The following LHFPL3 variants were observed in gnomAD, a reference collection of about 807,000 sequenced individuals.
LHFPL3 encodes the protein LHFPL tetraspan subfamily member 3 protein.
Under a neutral mutation model 19.3 loss-of-function variants are expected in LHFPL3, and 5 were observed. The observed-to-expected ratio is 0.26, with a 90% CI of 0.14 to 0.54. The LOEUF (loss-of-function observed/expected upper bound fraction) is 0.54, where lower values mean the gene tolerates loss of function less well. LHFPL3 is among the 20% of genes least tolerant of loss of function. The pLI is 0.94. For missense variants in LHFPL3, 249 were observed against 307.4 expected (o/e 0.81, Z 1.42); for synonymous variants, 133 against 126.2 (o/e 1.05, Z -0.36).
intron 1 of LHFPL3, among the ~76,000 whole-genome samples, chr7:104,567,104 A>T (rs1442357561): frequency 6.6e-6 from 1 of 152,246 alleles, no homozygotes; most frequent in African/African-American, 2.4e-5. Flanking sequence ...GCTTTATATC[A>T]AACGAAGTGT....
intron 2 of LHFPL3, among the ~76,000 whole-genome samples, chr7:104,840,051 A>T (rs977624186): frequency 7.9e-5 from 12 of 151,910 alleles, no homozygotes; most frequent in Non-Finnish European, 2.9e-5. Flanking sequence ...TATAATCAAT[A>T]ATTATTAAGT....
chr7:104,679,055 A>G (rs1792645345), intron 1 of LHFPL3, among the ~76,000 whole-genome samples: 1 of 152,244 alleles, frequency 6.6e-6, no homozygotes, highest in Non-Finnish European at 1.5e-5. Context: ...AACATTAGTC[A>G]CATAATTTCT....
intron 1 of LHFPL3, among the ~76,000 whole-genome samples, chr7:104,451,167 T>G (rs1459085787): frequency 2.0e-5 from 3 of 152,184 alleles, no homozygotes; most frequent in Admixed American, 2.0e-4. Context: ...AGTGATATAA[T>G]AGGCATGCAA....
intron 2 of LHFPL3, among the ~76,000 whole-genome samples, chr7:104,872,009 A>T (rs551327852): frequency 4.0e-5 from 6 of 150,022 alleles, no homozygotes; most frequent in Non-Finnish European, 5.9e-5. Flanking sequence ...CTCTATTAAA[A>T]TTTTTTTTTC....
In LHFPL3 at chr7:104,395,597, G is replaced by C. The variant is rs144106983; in HGVS notation, c.445+66373G>C. On this transcript the variant is annotated intron_variant, in intron 1 of 2. Transcript: ENST00000424859. ...CCACTGACTGACAGGAGAAGCAGGAGTTAGGAGAGGTAGGAGTAATTGTGC... is the reference window on the plus strand; with the variant it reads ...CCACTGACTGACAGGAGAAGCAGGACTTAGGAGAGGTAGGAGTAATTGTGC... Among the ~76,000 whole-genome samples, 265 of 152,308 alleles carry C rather than the reference G, an allele frequency of 1.7e-3. 7 individuals are homozygous for C. In the East Asian group the frequency reaches 0.044, roughly 25 times the overall value.
chr7:104,730,021 C>T (rs946785315), intron 1 of LHFPL3, among the ~76,000 whole-genome samples: 1 of 151,888 alleles, frequency 6.6e-6, no homozygotes, highest in Non-Finnish European at 1.5e-5. Flanking sequence ...TTGTGATAGT[C>T]TGCTGAGAAT....
chr7:104,549,778 G>A (rs1794635114), intron 1 of LHFPL3, among the ~76,000 whole-genome samples: 1 of 152,132 alleles, frequency 6.6e-6, no homozygotes, highest in Non-Finnish European at 1.5e-5. Flanking sequence ...GTGGGCACTG[G>A]GGATACATTG....
At chr7:104,350,652 T>A (rs1790154987) in intron 1 of LHFPL3, among the ~76,000 whole-genome samples, 1 of 152,234 alleles carries the variant, frequency 6.6e-6, no homozygotes, top group Non-Finnish European at 1.5e-5. Context: ...TATGTTCCGC[T>A]GGGGACTGGC....
chr7:104,584,786 A>G (rs1343069169), intron 1 of LHFPL3, among the ~76,000 whole-genome samples: 3 of 152,168 alleles, frequency 2.0e-5, no homozygotes, highest in East Asian at 1.9e-4. Flanking sequence ...ATCAGCAGGC[A>G]GCAGTCCTTA....
intron 1 of LHFPL3, among the ~76,000 whole-genome samples, chr7:104,490,699 C>T (rs1317954115): frequency 6.6e-6 from 1 of 152,112 alleles, no homozygotes; most frequent in Non-Finnish European, 1.5e-5. Context: ...TAATAATGAT[C>T]AGAAAAGTAA....
At chr7:104,391,796 A>C (rs929701532) in intron 1 of LHFPL3, among the ~76,000 whole-genome samples, 2 of 152,130 alleles carry the variant, frequency 1.3e-5, no homozygotes, top group African/African-American at 4.8e-5. Flanking sequence ...TTTTCACAAT[A>C]CTGATTCTTC....
At chr7:104,867,938 A>C (rs967031760) in intron 2 of LHFPL3, among the ~76,000 whole-genome samples, 2 of 152,236 alleles carry the variant, frequency 1.3e-5, no homozygotes, top group African/African-American at 4.8e-5. Context: ...GAAAATCAAT[A>C]AACATAATCC....
At chr7:104,831,713 CA>C (rs74477288) in intron 2 of LHFPL3, among the ~76,000 whole-genome samples, 1,701 of 151,494 alleles carry the variant, frequency 0.011, 70 homozygotes, top group African/African-American at 0.04. Flanking sequence ...TTCACACACA[CA>C]AAAAAAAGAT....
At chr7:104,590,899 G>T (rs547416413) in intron 1 of LHFPL3, among the ~76,000 whole-genome samples, 1 of 152,036 alleles carries the variant, frequency 6.6e-6, no homozygotes, top group African/African-American at 2.4e-5. Flanking sequence ...ATCTTTGTTG[G>T]TTTAAAGTCT....
At chr7:104,793,438 C>T (rs1400609242) in intron 2 of LHFPL3, among the ~76,000 whole-genome samples, 1 of 152,162 alleles carries the variant, frequency 6.6e-6, no homozygotes, top group Non-Finnish European at 1.5e-5. Flanking sequence ...ATTTTAAAAG[C>T]AGTCCAGTGA....
chr7:104,697,538 C>T (rs554909755), intron 1 of LHFPL3, among the ~76,000 whole-genome samples: 1 of 152,134 alleles, frequency 6.6e-6, no homozygotes, highest in South Asian at 2.1e-4. Flanking sequence ...TTTTTAGAAG[C>T]GCCAGTAGAA....
At chr7:104,633,384 G>C (rs1356112700) in intron 1 of LHFPL3, among the ~76,000 whole-genome samples, 1 of 152,132 alleles carries the variant, frequency 6.6e-6, no homozygotes, top group African/African-American at 2.4e-5. Context: ...TACTCAAGTG[G>C]CTGAAAAAAG....
chr7:104,879,319 G>A (rs1400009907), intron 2 of LHFPL3, among the ~76,000 whole-genome samples: 3 of 152,182 alleles, frequency 2.0e-5, no homozygotes, highest in African/African-American at 7.2e-5. Context: ...GGGAGGCTAA[G>A]GTGGGAGGAT....
At chr7:104,373,018 TGGGCAAATAA>T (rs5886307) in intron 1 of LHFPL3, among the ~76,000 whole-genome samples, 1,832 of 96,080 alleles carry the variant, frequency 0.019, 39 homozygotes, top group East Asian at 0.094. Flanking sequence ...AGCAGTTCCC[TGGGCAAATAA>T]GTTTGTGAAA....
Sources: allele counts gnomAD v4.1 joint callset (sites outside exome capture counted in the v4.1 genomes callset), GRCh38; gene constraint gnomAD v4.1.1; transcripts MANE v1.5; gene names NCBI Gene and HGNC (gene_info 2026-07-23, HGNC 2026-07-21).